Variants in HABP2 observed in about 807,000 individuals in gnomAD.
HABP2 encodes hyaluronan binding protein 2.
In HABP2, 65 loss-of-function variants were observed where a neutral mutation model predicts 66.5. The observed-to-expected ratio is 0.98, with a 90% CI of 0.80 to 1.20. The LOEUF (loss-of-function observed/expected upper bound fraction) is 1.20. Among genes scored for constraint, HABP2 ranks in the 50% most tolerant of loss-of-function variants. The pLI, the probability that HABP2 is intolerant of heterozygous loss-of-function variation, is 0.00. For missense variants in HABP2, 786 were observed against 691.0 expected, an observed-to-expected ratio of 1.14 and a Z score of -1.54; for synonymous variants, 263 against 253.9, an observed-to-expected ratio of 1.04 and a Z score of -0.34.
rs981681258 is a variant in HABP2 at position 113,589,366 on chromosome 10, C to T, written c.*997C>T. Reference sequence around the variant, plus strand: ...TCCCTGACCCTTTCTGCGAATGTAACGAGCAAGCAGTCAGCACAGCCTGGG... The same window carrying T: ...TCCCTGACCCTTTCTGCGAATGTAATGAGCAAGCAGTCAGCACAGCCTGGG... On this transcript the variant is annotated 3_prime_UTR_variant, in exon 13 of 13. Transcript: ENST00000351270. 3.7e-5 allele frequency: 21 copies of T among 563,618 alleles called. No individual in the cohort carries two copies. The highest frequency in any genetic ancestry group is 9.6e-5 in the South Asian group (4 of 41,796). The allele number at this position is 563,618 out of a possible 1,614,324, so 34.9% of individuals were successfully genotyped here. A position where few individuals can be genotyped will look rare whatever the true frequency, so the allele number is the denominator to read the frequency against.
Position 113,571,648 on chromosome 10 carries a change from G to A in HABP2, c.107-2641G>A, listed in dbSNP as rs563860765. Among the ~76,000 whole-genome samples the A allele has an allele frequency of 1.3e-3, 193 of 152,254 alleles. 1 individual carries two copies. Among genetic ancestry groups the A allele is most frequent in the African/African-American group, 4.6e-3 (190 of 41,564 alleles). On this transcript the variant is annotated intron_variant, in intron 2 of 12. Coordinates refer to ENST00000351270, the MANE Select transcript of HABP2 (RefSeq NM_004132.5). ...AAGGGCTATTTTTGTCATCAGATTGGCTCATACTGAAGCAGAGTTTCACTG... is the reference window on the plus strand; with the variant it reads ...AAGGGCTATTTTTGTCATCAGATTGACTCATACTGAAGCAGAGTTTCACTG...
At chr10:113,582,241 C>G (rs1845553014) in intron 9 of HABP2, 110 bp downstream of exon 9, 1 of 1,121,264 alleles carries the variant, frequency 8.9e-7, no homozygotes, top group Admixed American at 2.9e-5. Flanking sequence ...GGGGTCTGAT[C>G]TGTTCAAGGG....
chr10:113,573,079 T>C (rs1311048884), intron 2 of HABP2, among the ~76,000 whole-genome samples: 2 of 152,238 alleles, frequency 1.3e-5, no homozygotes, highest in Non-Finnish European at 2.9e-5. Context: ...GTCAGCTATC[T>C]GCATTTGCTC....
In HABP2 at chr10:113,589,099, C is replaced by T. The variant is rs957855044; in HGVS notation, c.*730C>T. 6.2e-7 allele frequency: 1 copy of T among 1,606,918 alleles called. No individual in the cohort carries two copies. The highest frequency in any genetic ancestry group is 1.3e-5 in the African/African-American group (1 of 74,726). ...CCCCCGCTGCTGAAATCAAACATAC[C>T]CCAAGTTAAAATGAAGCTCCCCCAC... On this transcript the variant is annotated 3_prime_UTR_variant, in exon 13 of 13. Coordinates refer to ENST00000351270, the MANE Select transcript of HABP2 (RefSeq NM_004132.5).
intron 6 of HABP2, 104 bp downstream of exon 6, chr10:113,578,249 C>T (rs1050739708): frequency 3.2e-5 from 40 of 1,240,356 alleles, no homozygotes; most frequent in African/African-American, 1.0e-4. Context: ...TTCCCAAACT[C>T]GACTATTGCC....
chr10:113,552,834 T>G (rs1324038312), upstream of HABP2, among the ~76,000 whole-genome samples: 1 of 152,186 alleles, frequency 6.6e-6, no homozygotes, highest in East Asian at 1.9e-4. Flanking sequence ...GCAGCTGTCA[T>G]GTGCACCGTG....
intron 1 of HABP2, among the ~76,000 whole-genome samples, chr10:113,561,938 G>A (rs7073869): frequency 1.1e-3 from 163 of 152,234 alleles, no homozygotes; most frequent in African/African-American, 3.3e-3. Context: ...TCAGAGACTC[G>A]GGATCCTTTT....
rs565105126 is a variant in HABP2 at position 113,575,738 on chromosome 10, G to C, written c.224-159G>C. ...TCAGGTGACTGCAGTTTTCCTTGCT[G>C]TTTAGGGACAACATATGTTTTCCTC... On this transcript the variant is annotated intron_variant, in intron 3 of 12. Transcript: ENST00000351270. Among the ~76,000 whole-genome samples the C allele has an allele frequency of 2.0e-5, 3 of 152,262 alleles. No individual in the cohort carries two copies. In the South Asian group the frequency reaches 6.2e-4, roughly 32 times the overall value.
At chr10:113,572,255 A>G (rs1203088480) in intron 2 of HABP2, among the ~76,000 whole-genome samples, 1 of 152,218 alleles carries the variant, frequency 6.6e-6, no homozygotes, top group Non-Finnish European at 1.5e-5. Context: ...GACCTTGTTA[A>G]TAGGTCTGGA....
chr10:113,559,825 G>T (rs1212087021), intron 1 of HABP2, among the ~76,000 whole-genome samples: 3 of 152,228 alleles, frequency 2.0e-5, no homozygotes, highest in African/African-American at 7.2e-5. Context: ...CCTTAGCTGG[G>T]TAGGGTCTGA....
chr10:113,585,804 C>G lies in HABP2; in HGVS notation c.1384C>G (p.Arg462Gly). Residue 462 changes from arginine to glycine, a missense_variant, in exon 12 of 13, where the codon CGC becomes GGC. Physicochemically the swap from Arg to Gly is moderately radical, Grantham distance 125. Transcript: ENST00000351270. ...WGVTETGKGS[R>G]QLLDAKVKLI... ...CACCTTCCCCACAGGAAAAGGGTCCCGCCAGCTCCTGGATGCCAAAGTCAA... is the reference window on the plus strand; with the variant it reads ...CACCTTCCCCACAGGAAAAGGGTCCGGCCAGCTCCTGGATGCCAAAGTCAA... The G allele has an allele frequency of 3.1e-6, 5 of 1,613,718 alleles. No homozygotes were observed. Among genetic ancestry groups the G allele is most frequent in the Non-Finnish European group, 4.2e-6 (5 of 1,179,606 alleles).
Position 113,588,924 on chromosome 10 carries a change from C to T in HABP2, c.*555C>T, listed in dbSNP as rs1845746633. Reference sequence around the variant, plus strand: ...AATCAAAGCCATCTGAAGCCTGTCTCTGGTGAACAAACTTCCTCTCTGGCC... The same window carrying T: ...AATCAAAGCCATCTGAAGCCTGTCTTTGGTGAACAAACTTCCTCTCTGGCC... On this transcript the variant is annotated 3_prime_UTR_variant, in exon 13 of 13. Transcript: ENST00000351270. 3 of 1,446,588 alleles carry T rather than the reference C, an allele frequency of 2.1e-6. No homozygotes were observed. The highest frequency in any genetic ancestry group is 1.4e-5 in the African/African-American group (1 of 71,638). 89.6% of individuals were successfully genotyped at this position (1,446,588 alleles called of 1,614,324 possible).
chr10:113,577,942 T>C lies in HABP2; in HGVS notation c.449-84T>C, dbSNP rs11575754. ...CGCGAAAGGATGGACACCAGTAGAATGCCACCAATGTCTCCTTGTCATCTC... is the reference window on the plus strand; with the variant it reads ...CGCGAAAGGATGGACACCAGTAGAACGCCACCAATGTCTCCTTGTCATCTC... On this transcript the variant is annotated intron_variant, in intron 5 of 12. Transcript: ENST00000351270. 2,751 of 1,523,464 alleles carry C rather than the reference T, an allele frequency of 1.8e-3. 46 individuals are homozygous for C. The African/African-American group carries it at 0.034, about 19-fold the overall frequency. 94.4% of individuals were successfully genotyped at this position (1,523,464 alleles called of 1,614,324 possible).
intron 3 of HABP2, among the ~76,000 whole-genome samples, chr10:113,575,446 C>T (rs569724653): frequency 3.9e-5 from 6 of 152,282 alleles, no homozygotes; most frequent in East Asian, 1.9e-4. Flanking sequence ...AGAAAGCTTG[C>T]GTTTCATTAG....
chr10:113,573,818 T>G (rs1333436429), intron 2 of HABP2, among the ~76,000 whole-genome samples: 1 of 152,212 alleles, frequency 6.6e-6, no homozygotes, highest in East Asian at 1.9e-4. Flanking sequence ...GCTTGGTGAC[T>G]AATGAAGTCC....
At chr10:113,570,441 A>G (rs1020302844) in intron 2 of HABP2, among the ~76,000 whole-genome samples, 1 of 152,260 alleles carries the variant, frequency 6.6e-6, no homozygotes, top group Admixed American at 6.5e-5. Flanking sequence ...TATTCCTGAT[A>G]GAAAATTCTT....
chr10:113,552,963 AAAACATT>A (rs1269384859), upstream of HABP2: 17 of 600,444 alleles, frequency 2.8e-5, no homozygotes, highest in African/African-American at 3.7e-5. Flanking sequence ...GTTAGTTTGC[AAAACATT>A]AAACATTAAA....
Position 113,559,306 on chromosome 10 carries a change from A to T in HABP2, c.69+6116A>T, listed in dbSNP as rs970108992. Among the ~76,000 whole-genome samples, 17 of 152,342 alleles carry T rather than the reference A, an allele frequency of 1.1e-4. No individual in the cohort carries two copies. The East Asian group carries it at 3.3e-3, about 29-fold the overall frequency. ...CAAGTCCCTGGGATGAGCCATTTGT[A>T]CAGATATTTCTCACCAAGTCTCACC... On this transcript the variant is annotated intron_variant, in intron 1 of 12. Transcript: ENST00000351270.
upstream of HABP2, among the ~76,000 whole-genome samples, chr10:113,552,509 G>A (rs1565093303): frequency 6.6e-6 from 1 of 152,104 alleles, no homozygotes; most frequent in East Asian, 1.9e-4. Flanking sequence ...AAAAGTAAAA[G>A]TCTTACCTAA....
Sources: allele counts gnomAD v4.1 joint callset (sites outside exome capture counted in the v4.1 genomes callset), GRCh38; gene constraint gnomAD v4.1.1; transcripts MANE v1.5; gene names NCBI Gene and HGNC (gene_info 2026-07-23, HGNC 2026-07-21).